The following LUZP2 variants were observed in gnomAD, a reference collection of about 807,000 sequenced individuals.
LUZP2 encodes the protein leucine zipper protein 2.
Under a neutral mutation model 51.6 loss-of-function variants are expected in LUZP2, and 52 were observed. The ratio of observed to expected loss-of-function variants is 1.01; its 90% CI spans 0.81 to 1.27. LUZP2 has a LOEUF of 1.27. LUZP2 is among the 50% of genes most tolerant of loss of function. The pLI, the probability that LUZP2 is intolerant of heterozygous loss-of-function variation, is 0.00. For synonymous variants in LUZP2, 154 were observed against 137.3 expected (o/e 1.12, Z -0.85); for missense variants, 436 against 395.4 (o/e 1.10, Z -0.87).
At chr11:24,510,147 C>A (rs928758410) in intron 1 of LUZP2, among the ~76,000 whole-genome samples, 37 of 152,314 alleles carry the variant, frequency 2.4e-4, no homozygotes, top group African/African-American at 8.7e-4. Flanking sequence ...ACCAAAGTTG[C>A]TTTGGAACCT....
chr11:24,858,512 A>C (rs1851636650), intron 5 of LUZP2, among the ~76,000 whole-genome samples: 1 of 152,182 alleles, frequency 6.6e-6, no homozygotes, highest in Admixed American at 6.5e-5. Flanking sequence ...AATGGAATGT[A>C]AAATAATGTT....
In LUZP2 at chr11:24,882,477, G is replaced by A. The variant is rs533595678; in HGVS notation, c.397-23514G>A. On this transcript the variant is annotated intron_variant, in intron 5 of 11. Coordinates refer to ENST00000336930, the MANE Select transcript of LUZP2 (RefSeq NM_001009909.4). ...CACCCCCAAACCATAGTTTACATTA[G>A]GATATGCTCTTGGTGTTCTACATTC... 3.3e-5 allele frequency among the ~76,000 whole-genome samples: 5 copies of A among 151,940 alleles called. No homozygotes were observed. The South Asian group carries it at 1.0e-3, about 32-fold the overall frequency.
At chr11:24,666,226 TG>T (rs1299238902) in intron 1 of LUZP2, among the ~76,000 whole-genome samples, 1 of 152,080 alleles carries the variant, frequency 6.6e-6, no homozygotes, top group Non-Finnish European at 1.5e-5. Context: ...AGTCGATCAA[TG>T]GGAACTATCA....
intron 1 of LUZP2, among the ~76,000 whole-genome samples, chr11:24,700,603 C>T (rs1173935393): frequency 1.3e-5 from 2 of 151,948 alleles, no homozygotes; most frequent in South Asian, 4.1e-4. Flanking sequence ...ATGCTATATC[C>T]CCCAAACTTA....
Position 24,700,994 on chromosome 11 carries a change from C to T in LUZP2, c.63-28175C>T, listed in dbSNP as rs965324102. ...GTTTGTGGGGAAAAAGAAGAAAAAACATCCGATTTACCAGTCAACCCAGTG... is the reference window on the plus strand; with the variant it reads ...GTTTGTGGGGAAAAAGAAGAAAAAATATCCGATTTACCAGTCAACCCAGTG... On this transcript the variant is annotated intron_variant, in intron 1 of 11. Transcript: ENST00000336930. 2.6e-5 allele frequency among the ~76,000 whole-genome samples: 4 copies of T among 152,094 alleles called. No homozygotes were observed. In the East Asian group the frequency reaches 7.7e-4, roughly 29 times the overall value.
intron 7 of LUZP2, among the ~76,000 whole-genome samples, chr11:24,970,148 A>G (rs1279889943): frequency 6.6e-6 from 1 of 152,120 alleles, no homozygotes; most frequent in Non-Finnish European, 1.5e-5. Flanking sequence ...TTTTGGAGCC[A>G]ACAGCATTAC....
intron 1 of LUZP2, among the ~76,000 whole-genome samples, chr11:24,602,626 A>G (rs1178143891): frequency 6.6e-6 from 1 of 151,496 alleles, no homozygotes; most frequent in African/African-American, 2.4e-5. Context: ...GAGAGTGACA[A>G]TTTCATTCCC....
intron 1 of LUZP2, among the ~76,000 whole-genome samples, chr11:24,531,472 A>C (rs755290387): frequency 1.1e-4 from 16 of 150,868 alleles, no homozygotes; most frequent in Admixed American, 2.0e-4. Context: ...TGAAAGTATA[A>C]ATAAATTGTT....
intron 1 of LUZP2, among the ~76,000 whole-genome samples, chr11:24,536,232 C>G (rs11027988): frequency 0.43 from 64,816 of 151,608 alleles, 14,950 homozygotes; most frequent in East Asian, 0.69. Flanking sequence ...TCAGTGAACA[C>G]TGGCTTCAAC....
At chr11:24,805,327 C>T (rs1373325936) in intron 5 of LUZP2, among the ~76,000 whole-genome samples, 1 of 152,052 alleles carries the variant, frequency 6.6e-6, no homozygotes, top group Non-Finnish European at 1.5e-5. Context: ...CACCAGGTTC[C>T]TCCCACAACA....
chr11:24,740,753 C>T (rs1240636500), intron 4 of LUZP2, among the ~76,000 whole-genome samples: 1 of 152,086 alleles, frequency 6.6e-6, no homozygotes, highest in Non-Finnish European at 1.5e-5. Context: ...TTCTGCACTT[C>T]CCATTTTAAT....
At chr11:24,580,448 A>G (rs1852808481) in intron 1 of LUZP2, among the ~76,000 whole-genome samples, 1 of 152,144 alleles carries the variant, frequency 6.6e-6, no homozygotes, top group Non-Finnish European at 1.5e-5. Flanking sequence ...AATGCACTGT[A>G]TTTAATACAA....
intron 5 of LUZP2, among the ~76,000 whole-genome samples, chr11:24,849,959 A>G (rs1408417638): frequency 1.3e-5 from 2 of 151,836 alleles, no homozygotes; most frequent in African/African-American, 4.8e-5. Flanking sequence ...CCTTCACCCA[A>G]TTTTTGATGG....
At chr11:25,015,910 TGTATTTTTTACTTA>T in intron 9 of LUZP2, among the ~76,000 whole-genome samples, 1 of 150,772 alleles carries the variant, frequency 6.6e-6, no homozygotes, top group African/African-American at 2.4e-5. Context: ...TTTTTTTTTT[TGTATTTTTTACTTA>T]TTTATTTTTT....
chr11:25,048,396 T>G, intron 9 of LUZP2, among the ~76,000 whole-genome samples: 1 of 152,188 alleles, frequency 6.6e-6, no homozygotes, highest in East Asian at 1.9e-4. Flanking sequence ...TTTTAAAATA[T>G]ACACAAGTCT....
chr11:24,613,082 C>T (rs1472100055), intron 1 of LUZP2, among the ~76,000 whole-genome samples: 1 of 152,104 alleles, frequency 6.6e-6, no homozygotes, highest in Non-Finnish European at 1.5e-5. Flanking sequence ...TCTTCAGTAG[C>T]TATTTCTCCC....
rs145809216 is a variant in LUZP2, at chr11:24,787,072, G to C, written c.396+23764G>C. Among the ~76,000 whole-genome samples the C allele has an allele frequency of 3.8e-3, 583 of 152,194 alleles. 5 individuals carry two copies. The highest frequency in any genetic ancestry group is 3.9e-3 in the Non-Finnish European group (267 of 67,986). On this transcript the variant is annotated intron_variant, in intron 5 of 11. Transcript: ENST00000336930. ...TCAAGTGACAAAATCTCTGTTCCCTGCTCCTTGATCTCCTGAAATGATTTA... is the reference window on the plus strand; with the variant it reads ...TCAAGTGACAAAATCTCTGTTCCCTCCTCCTTGATCTCCTGAAATGATTTA...
intron 5 of LUZP2, among the ~76,000 whole-genome samples, chr11:24,774,516 T>TAAAGA (rs1565131519): frequency 1.3e-3 from 127 of 98,898 alleles, no homozygotes; most frequent in African/African-American, 3.1e-3. Flanking sequence ...ATATATTCTA[T>TAAAGA]ATATATGTAG....
chr11:24,678,555 A>T (rs1456730500), intron 1 of LUZP2, among the ~76,000 whole-genome samples: 1 of 152,118 alleles, frequency 6.6e-6, no homozygotes, highest in African/African-American at 2.4e-5. Context: ...AAAAACTGAG[A>T]TTGTGTCTTG....
Sources: allele counts gnomAD v4.1 joint callset (sites outside exome capture counted in the v4.1 genomes callset), GRCh38; gene constraint gnomAD v4.1.1; transcripts MANE v1.5; gene names NCBI Gene and HGNC (gene_info 2026-07-23, HGNC 2026-07-21).